The following KIAA1217 variants were observed in gnomAD, a reference collection of about 807,000 sequenced individuals.
KIAA1217 encodes KIAA1217, also known as sickle tail protein homolog.
A neutral mutation model predicts 163.9 loss-of-function variants in KIAA1217; 88 were observed. That is an observed-to-expected ratio of 0.54 (90% confidence interval 0.45 to 0.64). The LOEUF (loss-of-function observed/expected upper bound fraction) is 0.64, where lower values mean the gene tolerates loss of function less well. KIAA1217 is among the 30% of genes least tolerant of loss of function. The pLI is 0.00. For synonymous variants in KIAA1217, 903 were observed against 923.1 expected, an observed-to-expected ratio of 0.98 and a Z score of 0.39; for missense variants, 2,372 against 2,475.0, an observed-to-expected ratio of 0.96 and a Z score of 0.88.
intron 5 of KIAA1217, among the ~76,000 whole-genome samples, chr10:24,453,311 C>T (rs2061525412): frequency 6.6e-6 from 1 of 152,202 alleles, no homozygotes; most frequent in African/African-American, 2.4e-5. Flanking sequence ...TACCTGAGTC[C>T]AGCCAGCTTT....
chr10:23,854,783 T>A (rs1187614280), intron 1 of KIAA1217, among the ~76,000 whole-genome samples: 1 of 152,208 alleles, frequency 6.6e-6, no homozygotes, highest in Admixed American at 6.5e-5. Flanking sequence ...CTTCTTTGTC[T>A]CTTTTGATCT....
chr10:24,363,546 T>G lies in KIAA1217; in HGVS notation c.355-17323T>G, dbSNP rs141578517. ...TGTTTTCTCAGTAACATTCCTTTAG[T>G]TTTTTGTGGGTTTTGTTTTTGTTTT... On this transcript the variant is annotated intron_variant, in intron 2 of 20. Transcript: ENST00000376454. Among the ~76,000 whole-genome samples, 949 of 145,058 alleles carry G rather than the reference T, an allele frequency of 6.5e-3. 19 individuals carry two copies. Among genetic ancestry groups the G allele is most frequent in the African/African-American group, 0.023 (918 of 39,752 alleles).
Position 24,495,140 on chromosome 10 carries a change from T to C in KIAA1217, c.1785-7T>C, listed in dbSNP as rs2066632744. ...TGCATAGCTGACTCTCTTTTTCTTTTATTCAGCGAGAAAATGATGAAAACC... is the reference window on the plus strand; with the variant it reads ...TGCATAGCTGACTCTCTTTTTCTTTCATTCAGCGAGAAAATGATGAAAACC... On this transcript the variant is annotated splice_region_variant and splice_polypyrimidine_tract_variant and intron_variant, in intron 7 of 20. Transcript: ENST00000376454. 1 of 1,611,412 alleles carries C rather than the reference T, an allele frequency of 6.2e-7. No homozygotes were observed. Among genetic ancestry groups the C allele is most frequent in the African/African-American group, 1.3e-5 (1 of 74,654 alleles).
upstream of KIAA1217, among the ~76,000 whole-genome samples, chr10:24,205,881 C>T (rs76870337): frequency 1.1e-4 from 17 of 152,242 alleles, no homozygotes; most frequent in East Asian, 2.7e-3. Flanking sequence ...CAATTGTTTA[C>T]GATTTTTGTG....
chr10:23,734,332 G>A (rs1191781281), intron 1 of KIAA1217, among the ~76,000 whole-genome samples: 4 of 149,770 alleles, frequency 2.7e-5, no homozygotes, highest in Non-Finnish European at 5.9e-5. Flanking sequence ...TGTGGCCCAG[G>A]CTGGAGTGCA....
At chr10:24,099,826 G>A (rs1371265649) in intron 2 of KIAA1217, among the ~76,000 whole-genome samples, 3 of 146,922 alleles carry the variant, frequency 2.0e-5, no homozygotes, top group African/African-American at 7.6e-5. Flanking sequence ...ACCTATGAGT[G>A]AGAACATGTG....
In KIAA1217 at chr10:24,360,805, T is replaced by C. The variant is rs934596044; in HGVS notation, c.355-20064T>C. 5.3e-5 allele frequency among the ~76,000 whole-genome samples: 8 copies of C among 152,228 alleles called. 1 individual carries two copies. Among genetic ancestry groups the C allele is most frequent in the African/African-American group, 2.4e-5 (1 of 41,458 alleles). ...GAGGCCACGCATGTAGATATGATTT[T>C]ATTGTTCTTCCCATTTTTAAAACTC... On this transcript the variant is annotated intron_variant, in intron 2 of 20. Transcript: ENST00000376454.
intron 1 of KIAA1217, among the ~76,000 whole-genome samples, chr10:23,777,393 G>C (rs894649261): frequency 6.6e-6 from 1 of 152,162 alleles, no homozygotes; most frequent in Non-Finnish European, 1.5e-5. Flanking sequence ...TGAAGTGTTT[G>C]TGTGTTAGAG....
intron 2 of KIAA1217, among the ~76,000 whole-genome samples, chr10:24,090,056 A>C (rs1020162982): frequency 2.7e-5 from 4 of 150,588 alleles, no homozygotes; most frequent in African/African-American, 7.4e-5. Flanking sequence ...GACCACTCTG[A>C]TTGTCTTTCT....
chr10:24,190,099 T>A (rs2066645984), intron 2 of KIAA1217, among the ~76,000 whole-genome samples: 2 of 151,912 alleles, frequency 1.3e-5, no homozygotes, highest in Non-Finnish European at 2.9e-5. Context: ...AGGGGGAGCT[T>A]AGCAAGGCCT....
intron 1 of KIAA1217, among the ~76,000 whole-genome samples, chr10:23,802,533 A>C (rs778743782): frequency 1.3e-5 from 2 of 152,238 alleles, no homozygotes; most frequent in Non-Finnish European, 2.9e-5. Context: ...GAATCAATGC[A>C]TATGAGGGAT....
intron 5 of KIAA1217, among the ~76,000 whole-genome samples, chr10:24,456,128 C>T (rs1451591505): frequency 1.3e-5 from 2 of 152,176 alleles, no homozygotes; most frequent in Non-Finnish European, 2.9e-5. Flanking sequence ...TCAAGTGATC[C>T]ACCAGCCTCG....
At chr10:24,372,862 G>A (rs2051880843) in intron 2 of KIAA1217, among the ~76,000 whole-genome samples, 1 of 152,132 alleles carries the variant, frequency 6.6e-6, no homozygotes, top group African/African-American at 2.4e-5. Context: ...TTCTATTAAA[G>A]ATGTAATATG....
chr10:24,051,872 C>T lies in KIAA1217; in HGVS notation c.-171+44498C>T, dbSNP rs147054365. ...ATATCAGTCCTTTTTCAAATGCATA[C>T]TTTGCAAAAATTTTCTCCTACTCTG... On this transcript the variant is annotated intron_variant, in intron 2 of 18. Transcript: ENST00000376462. Among the ~76,000 whole-genome samples the T allele has an allele frequency of 6.9e-4, 105 of 152,126 alleles. No homozygotes were observed. The East Asian group carries it at 0.013, about 19-fold the overall frequency.
chr10:24,094,559 C>G (rs541685795), intron 2 of KIAA1217, among the ~76,000 whole-genome samples: 1 of 152,168 alleles, frequency 6.6e-6, no homozygotes, highest in African/African-American at 2.4e-5. Context: ...TTTCGTGAAC[C>G]GCAAATGCTG....
At chr10:24,545,479 TTG>T in intron 20 of KIAA1217, 1 of 1,279,644 alleles carries the variant, frequency 7.8e-7, no homozygotes, top group Non-Finnish European at 9.9e-7. Context: ...GTTGACTGTA[TTG>T]TGTTAGAAGC....
At chr10:24,257,148 A>C (rs903173892) in intron 2 of KIAA1217, among the ~76,000 whole-genome samples, 3 of 152,210 alleles carry the variant, frequency 2.0e-5, no homozygotes, top group Non-Finnish European at 4.4e-5. Context: ...TGACTTCTAC[A>C]TGGAGACTTC....
At chr10:24,022,926 GAA>G (rs5783873) in intron 2 of KIAA1217, among the ~76,000 whole-genome samples, 1,541 of 141,546 alleles carry the variant, frequency 0.011, 21 homozygotes, top group Middle Eastern at 0.044. Context: ...TACTTGATCT[GAA>G]AAAAAAAAAA....
At chr10:24,458,625 T>G (rs530980737) in intron 5 of KIAA1217, among the ~76,000 whole-genome samples, 58 of 152,296 alleles carry the variant, frequency 3.8e-4, no homozygotes, top group African/African-American at 1.3e-3. Context: ...GGTAAGATAT[T>G]TGAAGTCTCT....
Sources: allele counts gnomAD v4.1 joint callset (sites outside exome capture counted in the v4.1 genomes callset), GRCh38; gene constraint gnomAD v4.1.1; transcripts MANE v1.5; gene names NCBI Gene and HGNC (gene_info 2026-07-23, HGNC 2026-07-21).